SLCO3A1: variants seen among roughly 807,000 people sequenced by gnomAD.
The protein encoded by SLCO3A1 is solute carrier organic anion transporter family member 3A1, also known as PGE1 transporter.
Under a neutral mutation model 63.1 loss-of-function variants are expected in SLCO3A1, and 27 were observed. That is an observed-to-expected ratio of 0.43 (90% CI 0.32 to 0.59). The LOEUF is 0.59. SLCO3A1 is among the 20% of genes least tolerant of loss of function. The pLI, the probability that SLCO3A1 is intolerant of heterozygous loss-of-function variation, is 0.09. For missense variants in SLCO3A1, 773 were observed against 945.8 expected, an observed-to-expected ratio of 0.82 and a Z score of 2.40; for synonymous variants, 473 against 409.9, an observed-to-expected ratio of 1.15 and a Z score of -1.86.
At chr15:92,092,026 G>T (rs1326409062) in intron 2 of SLCO3A1, among the ~76,000 whole-genome samples, 2 of 152,198 alleles carry the variant, frequency 1.3e-5, no homozygotes, top group African/African-American at 2.4e-5. Flanking sequence ...TGGCCCATCT[G>T]GGCCCTGTGG....
chr15:92,148,345 T>G (rs1324584353), intron 8 of SLCO3A1, among the ~76,000 whole-genome samples: 1 of 152,240 alleles, frequency 6.6e-6, no homozygotes, highest in African/African-American at 2.4e-5. Flanking sequence ...TCACCTCTAC[T>G]TTATCCAGCT....
At chr15:91,855,990 C>G (rs1237666058) in intron 1 of SLCO3A1, among the ~76,000 whole-genome samples, 2 of 151,882 alleles carry the variant, frequency 1.3e-5, no homozygotes, top group Non-Finnish European at 2.9e-5. Flanking sequence ...AAGGATTTGA[C>G]AAATAAATGA....
chr15:91,867,476 C>T (rs1304087026), intron 1 of SLCO3A1, among the ~76,000 whole-genome samples: 1 of 151,502 alleles, frequency 6.6e-6, no homozygotes, highest in Middle Eastern at 3.2e-3. Context: ...GCAAGATGAG[C>T]TAACATTAGG....
rs2151605963 is a variant in SLCO3A1, at chr15:92,163,795, G to C, written c.*660G>C. The C allele has an allele frequency of 1.0e-6, 1 of 985,494 alleles. No individual in the cohort carries two copies. Among genetic ancestry groups the C allele is most frequent in the East Asian group, 1.1e-4 (1 of 8,794 alleles). The allele number at this position is 985,494 out of a possible 1,614,324, so 61.0% of individuals were successfully genotyped here. ...ATGCTAATGGGTGATCCGTGCTGGA[G>C]TTTGTAATTGGCACCTCTCACCAGC... On this transcript the variant is annotated 3_prime_UTR_variant, in exon 10 of 10. Transcript: ENST00000318445.
At chr15:92,114,650 T>C (rs961450612) in intron 4 of SLCO3A1, among the ~76,000 whole-genome samples, 2 of 152,218 alleles carry the variant, frequency 1.3e-5, no homozygotes, top group African/African-American at 2.4e-5. Flanking sequence ...TTTTAAGTTA[T>C]GATTTGAAGA....
chr15:92,035,482 A>G (rs529045865), intron 2 of SLCO3A1, among the ~76,000 whole-genome samples: 4 of 151,938 alleles, frequency 2.6e-5, no homozygotes, highest in African/African-American at 9.6e-5. Context: ...TCTTGGGCAG[A>G]TAGAGTGATC....
At chr15:92,159,470 C>T (rs2048410287) in intron 9 of SLCO3A1, among the ~76,000 whole-genome samples, 1 of 148,620 alleles carries the variant, frequency 6.7e-6, no homozygotes, top group South Asian at 2.1e-4. Context: ...GGCCACAGAA[C>T]GAAACTCTGT....
chr15:91,987,984 T>C (rs1027317429), intron 2 of SLCO3A1, among the ~76,000 whole-genome samples: 1 of 152,128 alleles, frequency 6.6e-6, no homozygotes, highest in Non-Finnish European at 1.5e-5. Context: ...AACACTTGTG[T>C]CAAATTTATT....
chr15:91,926,748 A>G (rs1899045729), intron 2 of SLCO3A1, among the ~76,000 whole-genome samples: 1 of 152,150 alleles, frequency 6.6e-6, no homozygotes, highest in Non-Finnish European at 1.5e-5. Flanking sequence ...GTCAGGAGTC[A>G]TCGTTGGCTG....
intron 2 of SLCO3A1, among the ~76,000 whole-genome samples, chr15:92,083,605 T>G (rs985171432): frequency 2.6e-5 from 4 of 152,242 alleles, no homozygotes; most frequent in Non-Finnish European, 5.9e-5. Flanking sequence ...GAATCGTATT[T>G]GTCTCTAAGC....
At chr15:91,934,154 ACCT>A (rs1899326849) in intron 2 of SLCO3A1, among the ~76,000 whole-genome samples, 1 of 152,146 alleles carries the variant, frequency 6.6e-6, no homozygotes. Flanking sequence ...TGTTCTTCTT[ACCT>A]TGTAAGTACC....
chr15:92,002,186 A>G (rs1567060895), intron 2 of SLCO3A1, among the ~76,000 whole-genome samples: 1 of 152,298 alleles, frequency 6.6e-6, no homozygotes. Context: ...ATTTAGCCTC[A>G]GTCCAGATGT....
At chr15:92,116,653 C>T (rs1359619003) in intron 4 of SLCO3A1, among the ~76,000 whole-genome samples, 1 of 152,220 alleles carries the variant, frequency 6.6e-6, no homozygotes, top group Non-Finnish European at 1.5e-5. Flanking sequence ...ATTTTATAGG[C>T]TTAACAATCT....
At chr15:92,043,908 G>A (rs904573237) in intron 2 of SLCO3A1, among the ~76,000 whole-genome samples, 1 of 152,236 alleles carries the variant, frequency 6.6e-6, no homozygotes, top group Admixed American at 6.5e-5. Flanking sequence ...CTCCCTGGTC[G>A]GTTTTTCCAT....
chr15:91,865,489 T>C lies in SLCO3A1; in HGVS notation c.180+11401T>C, dbSNP rs533433211. 1.7e-4 allele frequency among the ~76,000 whole-genome samples: 26 copies of C among 152,224 alleles called. No homozygotes were observed. The highest frequency in any genetic ancestry group is 6.3e-4 in the African/African-American group (26 of 41,552). On this transcript the variant is annotated intron_variant, in intron 1 of 9. Transcript: ENST00000318445. The surrounding 1 kb of genome is among the most constrained non-coding windows in gnomAD (Gnocchi z 4.6). ...CACAAACTGGGTGGCTTGAAACAAATTTTTTGTCTGACAGTCCTGCAGGCC... is the reference window on the plus strand; with the variant it reads ...CACAAACTGGGTGGCTTGAAACAAACTTTTTGTCTGACAGTCCTGCAGGCC...
At position 92,126,279 on chromosome 15, in the gene SLCO3A1, G is replaced by C; in HGVS notation, c.1373+20G>C. ...AAACAGGTGAGTACTGGCAGTGTCT[G>C]CCGCCTTCCTGCCTGTTCAGGGACC... On this transcript the variant is annotated intron_variant, in intron 6 of 9. Transcript: ENST00000318445. The C allele has an allele frequency of 6.2e-7, 1 of 1,606,974 alleles. No individual in the cohort carries two copies. The highest frequency in any genetic ancestry group is 8.5e-7 in the Non-Finnish European group (1 of 1,173,628).
chr15:91,940,348 A>C (rs997903287), intron 2 of SLCO3A1, among the ~76,000 whole-genome samples: 1 of 152,060 alleles, frequency 6.6e-6, no homozygotes, highest in Admixed American at 6.5e-5. Flanking sequence ...CTTGCTGAGC[A>C]CTTCACAGCC....
In SLCO3A1 at chr15:92,013,089, G is replaced by C. The variant is rs141256479; in HGVS notation, c.647-81792G>C. ...GAGAGGGAGACTGACATCTCCACTG[G>C]ACTAGAAGAAAGGAAGCCTGTGTGC... On this transcript the variant is annotated intron_variant, in intron 2 of 9. Coordinates refer to ENST00000318445, the MANE Select transcript of SLCO3A1 (RefSeq NM_013272.4). 2.6e-3 allele frequency among the ~76,000 whole-genome samples: 402 copies of C among 152,308 alleles called. 3 individuals carry two copies. Among genetic ancestry groups the C allele is most frequent in the African/African-American group, 9.1e-3 (377 of 41,560 alleles).
chr15:91,922,746 T>TA (rs1898891264), intron 2 of SLCO3A1, among the ~76,000 whole-genome samples: 1 of 152,248 alleles, frequency 6.6e-6, no homozygotes, highest in Non-Finnish European at 1.5e-5. Context: ...ACTTCATTGA[T>TA]ATTGAAGTTT....
Sources: allele counts gnomAD v4.1 joint callset (sites outside exome capture counted in the v4.1 genomes callset), GRCh38; gene constraint gnomAD v4.1.1; non-coding constraint Gnocchi (gnomAD v3.1); transcripts MANE v1.5; gene names NCBI Gene and HGNC (gene_info 2026-07-23, HGNC 2026-07-21).